Variants in CIMIP2A observed in about 807,000 individuals in gnomAD.
CIMIP2A encodes ciliary microtubule inner protein 2A.
chr9:137,251,955 G>A, the CIMIP2A span: 1 of 1,597,120 alleles, frequency 6.3e-7, no homozygotes, highest in Non-Finnish European at 8.5e-7. Context: ...TGTGGGAGGG[G>A]CCCGCTGAAA....
At chr9:137,243,619 C>G in the CIMIP2A span, 1 of 1,612,742 alleles carries the variant, frequency 6.2e-7, no homozygotes, top group Non-Finnish European at 8.5e-7. Context: ...CCCAGCCTGT[C>G]CTGTGGCCTG....
the CIMIP2A span, chr9:137,252,850 G>A: frequency 9.5e-6 from 15 of 1,577,942 alleles, no homozygotes; most frequent in Non-Finnish European, 1.0e-5. Context: ...CACCTGGCAA[G>A]AGATGCCCTG....
At chr9:137,245,590 A>T in the CIMIP2A span, 2 of 1,613,630 alleles carry the variant, frequency 1.2e-6, no homozygotes, top group Non-Finnish European at 1.7e-6. Context: ...GAGTGCCGGG[A>T]CAGGCAGGCG....
chr9:137,245,327 C>G, the CIMIP2A span: 26 of 1,591,816 alleles, frequency 1.6e-5, no homozygotes, highest in African/African-American at 1.2e-4. Context: ...CTGGGGGCCT[C>G]GCAAACAGGA....
the CIMIP2A span, among the ~76,000 whole-genome samples, chr9:137,249,700 T>A: frequency 6.6e-6 from 1 of 152,184 alleles, no homozygotes; most frequent in Non-Finnish European, 1.5e-5. Context: ...TCAGGGAACT[T>A]CTGGACAGGG....
the CIMIP2A span, among the ~76,000 whole-genome samples, chr9:137,249,243 G>C: frequency 6.6e-6 from 1 of 152,218 alleles, no homozygotes; most frequent in African/African-American, 2.4e-5. Flanking sequence ...CTGACTGTGT[G>C]TTGAGAGCAG....
chr9:137,251,118 C>T, the CIMIP2A span: 115 of 631,452 alleles, frequency 1.8e-4, no homozygotes, highest in Non-Finnish European at 3.0e-4. Context: ...CAGGCGGACC[C>T]GCTGATCATC....
chr9:137,245,400 C>A, the CIMIP2A span: 3 of 1,613,594 alleles, frequency 1.9e-6, no homozygotes, highest in Admixed American at 3.3e-5. Context: ...AGTCTCCCTT[C>A]CTGCCTGGTG....
chr9:137,252,070 GCCCGTCCGTACGAGAGTC>G, the CIMIP2A span: 1 of 1,613,060 alleles, frequency 6.2e-7, no homozygotes, highest in Non-Finnish European at 8.5e-7. Flanking sequence ...CAGGTGCCGA[GCCCGTCCGTACGAGAGTC>G]CTCCCCACAC....
At chr9:137,251,235 T>C in the CIMIP2A span, 6 of 1,199,648 alleles carry the variant, frequency 5.0e-6, no homozygotes, top group Admixed American at 1.7e-5. Flanking sequence ...GGCCTACCAG[T>C]GAGGTCACAG....
the CIMIP2A span, chr9:137,247,509 C>G: frequency 2.8e-6 from 2 of 713,428 alleles, no homozygotes; most frequent in Non-Finnish European, 4.6e-6. Flanking sequence ...GGCTCCCCAG[C>G]CCACAGACTG....
At chr9:137,253,516 CG>C in the CIMIP2A span, 3 of 1,418,276 alleles carry the variant, frequency 2.1e-6, no homozygotes, top group Non-Finnish European at 2.8e-6. Flanking sequence ...GTCCTTCACC[CG>C]GGGGCGGTCC....
the CIMIP2A span, chr9:137,245,844 G>T: frequency 6.6e-7 from 1 of 1,507,560 alleles, no homozygotes; most frequent in East Asian, 2.3e-5. Flanking sequence ...GCGGAAAGAA[G>T]CCGGCATAGC....
the CIMIP2A span, among the ~76,000 whole-genome samples, chr9:137,246,207 T>C: frequency 2.0e-5 from 3 of 152,116 alleles, no homozygotes; most frequent in Non-Finnish European, 4.4e-5. Flanking sequence ...ACAAGACGTG[T>C]GGGCCAGGAC....
the CIMIP2A span, chr9:137,253,296 C>G: frequency 6.4e-7 from 1 of 1,569,460 alleles, no homozygotes; most frequent in Non-Finnish European, 8.6e-7. Context: ...GAACCATGGC[C>G]TCCCCCGGGG....
At chr9:137,251,465 G>T in the CIMIP2A span, 1 of 1,261,210 alleles carries the variant, frequency 7.9e-7, no homozygotes, top group Non-Finnish European at 1.1e-6. Flanking sequence ...GGACAGTGTG[G>T]GGGGCAGGTT....
chr9:137,251,836 TAC>T, the CIMIP2A span: 1 of 1,607,136 alleles, frequency 6.2e-7, no homozygotes, highest in Non-Finnish European at 8.5e-7. Context: ...GGCCTCAGGT[TAC>T]AGACGGGCAC....
chr9:137,253,121 C>A, the CIMIP2A span: 1 of 1,570,710 alleles, frequency 6.4e-7, no homozygotes, highest in Non-Finnish European at 8.7e-7. Flanking sequence ...GCAGCCCGAA[C>A]CCCTGGCCCA....
the CIMIP2A span, chr9:137,244,708 G>A: frequency 2.5e-6 from 4 of 1,613,636 alleles, no homozygotes; most frequent in South Asian, 4.4e-5. Flanking sequence ...CCATTACCCA[G>A]GTGAAACGGG....
Sources: allele counts gnomAD v4.1 joint callset (sites outside exome capture counted in the v4.1 genomes callset), GRCh38; gene constraint gnomAD v4.1.1; transcripts MANE v1.5; gene names NCBI Gene and HGNC (gene_info 2026-07-23, HGNC 2026-07-21).